The following MKRN1 variants were observed in gnomAD, a reference collection of about 807,000 sequenced individuals.
The protein encoded by MKRN1 is makorin ring finger protein 1.
In MKRN1, 9 loss-of-function variants were observed where a neutral mutation model predicts 55.5. That is an observed-to-expected ratio of 0.16 (90% CI 0.10 to 0.28). The LOEUF is 0.28. MKRN1 is among the 10% of genes least tolerant of loss of function. The pLI is 1.00. For missense variants in MKRN1, 488 were observed against 626.7 expected (o/e 0.78, Z 2.36); for synonymous variants, 253 against 235.9 (o/e 1.07, Z -0.66).
At chr7:140,466,911 G>A (rs1417735644) in intron 2 of MKRN1, among the ~76,000 whole-genome samples, 1 of 151,586 alleles carries the variant, frequency 6.6e-6, no homozygotes, top group East Asian at 1.9e-4. Context: ...GGGCAAGAGG[G>A]CAAGACCAGA....
At position 140,479,194 on chromosome 7, in the gene MKRN1, T is replaced by TGCCGTCGCTGCC. The variant is rs1273565702; in HGVS notation, c.139_150dup (p.Gly47_Gly50dup). The TGCCGTCGCTGCC allele has an allele frequency of 6.8e-7, 1 of 1,463,874 alleles. No homozygotes were observed. The highest frequency in any genetic ancestry group is 9.0e-7 in the Non-Finnish European group (1 of 1,109,044). The allele number at this position is 1,463,874 out of a possible 1,614,324, so 90.7% of individuals were successfully genotyped here. On this transcript the variant is annotated inframe_insertion, in exon 1 of 8. Transcript: ENST00000255977. Reference sequence around the variant, plus strand: ...ACCTGTTTAGTCCAGCCGCCGCCGCTGCCGTCGCTGCCGCCGCCCCCTCCG... The same window carrying TGCCGTCGCTGCC: ...ACCTGTTTAGTCCAGCCGCCGCCGCTGCCGTCGCTGCCGCCGTCGCTGCCGCCGCCCCCTCCG...
rs1197534589 is a variant in MKRN1, at chr7:140,458,988, C to T, written c.771+19G>A. 1.9e-6 allele frequency: 3 copies of T among 1,610,656 alleles called. No individual in the cohort carries two copies. The highest frequency in any genetic ancestry group is 2.5e-6 in the Non-Finnish European group (3 of 1,176,934). ...TGATTCTCACATCTAATAACACACA[C>T]ATCTCCCTAAAGACTTACTTTGATA... On this transcript the variant is annotated intron_variant, in intron 4 of 7. Coordinates refer to ENST00000255977, the MANE Select transcript of MKRN1 (RefSeq NM_013446.4).
intron 2 of MKRN1, among the ~76,000 whole-genome samples, chr7:140,469,841 G>A (rs952106332): frequency 6.6e-6 from 1 of 151,998 alleles, no homozygotes; most frequent in Non-Finnish European, 1.5e-5. Flanking sequence ...GGCTGGTCAG[G>A]AGATCAAGAC....
At chr7:140,473,209 C>CAAA in intron 1 of MKRN1, 1 of 387,148 alleles carries the variant, frequency 2.6e-6, no homozygotes, top group Admixed American at 3.1e-5. Context: ...AATGATACCA[C>CAAA]CAAAAAAAAA....
chr7:140,456,827 A>G lies in MKRN1; in HGVS notation c.811T>C (p.Phe271Leu). 1 of 1,613,964 alleles carries G rather than the reference A, an allele frequency of 6.2e-7. No homozygotes were observed. The highest frequency in any genetic ancestry group is 8.5e-7 in the Non-Finnish European group (1 of 1,179,896). ...EAHEKDMELSFAVQRSKDMVC... is the reference protein window; with the variant it reads ...EAHEKDMELSLAVQRSKDMVC... ...ATGTCCTTGCTGCGCTGCACGGCAAATGAGAGCTCCATGTCCTTCTCATGG... is the reference window on the plus strand; with the variant it reads ...ATGTCCTTGCTGCGCTGCACGGCAAGTGAGAGCTCCATGTCCTTCTCATGG... Residue 271 changes from phenylalanine to leucine, a missense_variant, in exon 5 of 8, where the codon TTT becomes CTT. This residue lies in a region of MKRN1 where 278 missense variants were observed against 406.7 expected (regional missense o/e 0.68). Transcript: ENST00000255977.
At chr7:140,466,036 AC>A (rs1794756224) in intron 2 of MKRN1, among the ~76,000 whole-genome samples, 1 of 152,024 alleles carries the variant, frequency 6.6e-6, no homozygotes, top group African/African-American at 2.4e-5. Flanking sequence ...AGCCGAGATC[AC>A]GCCACTGCAC....
chr7:140,455,976 T>C, intron 5 of MKRN1, 76 bp from the exon 6 acceptor site: 2 of 1,330,912 alleles, frequency 1.5e-6, no homozygotes, highest in Admixed American at 1.7e-5. Context: ...CCCTGGTGTG[T>C]CGCCTCCAGA....
intron 3 of MKRN1, 47 bp downstream of exon 3, chr7:140,459,660 C>A: frequency 6.4e-7 from 1 of 1,557,056 alleles, no homozygotes; most frequent in Non-Finnish European, 8.9e-7. Flanking sequence ...AATGGATGAA[C>A]TGCTATCCAG....
intron 3 of MKRN1, among the ~76,000 whole-genome samples, 187 bp downstream of exon 3, chr7:140,459,520 C>T (rs1794557942): frequency 6.6e-6 from 1 of 152,106 alleles, no homozygotes; most frequent in African/African-American, 2.4e-5. Flanking sequence ...ATTCTGAATT[C>T]ATTTCACTGG....
intron 6 of MKRN1, chr7:140,455,469 G>A (rs922754002): frequency 3.5e-6 from 2 of 574,926 alleles, no homozygotes; most frequent in South Asian, 2.4e-5. Context: ...ATGCCATAGA[G>A]AGAAAATCTT....
At chr7:140,472,128 A>C in intron 1 of MKRN1, 117 bp from the exon 2 acceptor site, 8 of 1,384,512 alleles carry the variant, frequency 5.8e-6, no homozygotes, top group Non-Finnish European at 7.9e-6. Context: ...CGAAATAAAC[A>C]CAAAGAAAGG....
chr7:140,468,701 C>CAAAAAAAAAAAAAAA (rs528725182), intron 2 of MKRN1, among the ~76,000 whole-genome samples: 1 of 32,126 alleles, frequency 3.1e-5, no homozygotes, highest in Non-Finnish European at 6.4e-5. Context: ...CTCTGTCTCA[C>CAAAAAAAAAAAAAAA]AAAAAAAAAA....
chr7:140,479,392 T>C lies in MKRN1; in HGVS notation c.-48A>G. ...AGGCCCCGGAACTTCCGGGATCACA[T>C]AGTTCCGGTCCGGCTGCGGGGAGAG... On this transcript the variant is annotated 5_prime_UTR_variant, in exon 1 of 8. An upstream start codon of the reference 5' UTR is lost. Coordinates refer to ENST00000255977, the MANE Select transcript of MKRN1 (RefSeq NM_013446.4). 2 of 1,271,666 alleles carry C rather than the reference T, an allele frequency of 1.6e-6. No homozygotes were observed. Among genetic ancestry groups the C allele is most frequent in the Non-Finnish European group, 2.0e-6 (2 of 1,002,676 alleles). 78.8% of individuals were successfully genotyped at this position (1,271,666 alleles called of 1,614,324 possible).
intron 1 of MKRN1, among the ~76,000 whole-genome samples, chr7:140,477,384 T>C (rs1302638146): frequency 2.0e-5 from 3 of 152,108 alleles, no homozygotes; most frequent in African/African-American, 7.2e-5. Context: ...TGAAGTGGTG[T>C]GATATTGGCT....
intron 1 of MKRN1, among the ~76,000 whole-genome samples, chr7:140,477,777 T>G (rs1474430228): frequency 6.6e-6 from 1 of 152,184 alleles, no homozygotes; most frequent in Non-Finnish European, 1.5e-5. Flanking sequence ...GACAGGCCGG[T>G]TTCAATCTTT....
Position 140,479,492 on chromosome 7 carries a change from A to G in MKRN1, c.-148T>C, listed in dbSNP as rs1795229697. 2 of 834,332 alleles carry G rather than the reference A, an allele frequency of 2.4e-6. No homozygotes were observed. The highest frequency in any genetic ancestry group is 4.3e-5 in the Admixed American group (1 of 23,156). 51.7% of individuals were successfully genotyped at this position (834,332 alleles called of 1,614,324 possible). A position where few individuals can be genotyped will look rare whatever the true frequency, so the allele number is the denominator to read the frequency against. On this transcript the variant is annotated 5_prime_UTR_variant, in exon 1 of 8. Transcript: ENST00000255977. ...GGTCCCCGCCTGCTACGCGTCGCGT[A>G]TCTGAGCGCTCTCGCCACTTCAACT...
At position 140,479,270 on chromosome 7, in the gene MKRN1, T is replaced by TGCTGCCGCCGTCGCC; in HGVS notation, c.60_74dup (p.Thr22_Ala26dup). On this transcript the variant is annotated inframe_insertion, in exon 1 of 8. Transcript: ENST00000255977. Reference sequence around the variant, plus strand: ...CTGTGGGGATCGGGGTGGGGGAGGCTGCTGCCGCCGTCGCCGCTGCCGCTC... The same window carrying TGCTGCCGCCGTCGCC: ...CTGTGGGGATCGGGGTGGGGGAGGCTGCTGCCGCCGTCGCCGCTGCCGCCGTCGCCGCTGCCGCTC... 1 of 1,393,356 alleles carries TGCTGCCGCCGTCGCC rather than the reference T, an allele frequency of 7.2e-7. No homozygotes were observed. The highest frequency in any genetic ancestry group is 1.6e-5 in the South Asian group (1 of 61,796). The allele number at this position is 1,393,356 out of a possible 1,614,324, so 86.3% of individuals were successfully genotyped here.
chr7:140,469,344 T>C (rs548316448), intron 2 of MKRN1, among the ~76,000 whole-genome samples: 2 of 151,768 alleles, frequency 1.3e-5, no homozygotes, highest in Admixed American at 6.6e-5. Flanking sequence ...AAAAATTTAC[T>C]ATGACACTGT....
intron 1 of MKRN1, among the ~76,000 whole-genome samples, chr7:140,476,537 C>G (rs1362219985): frequency 7.8e-6 from 1 of 128,588 alleles, no homozygotes; most frequent in Non-Finnish European, 1.6e-5. Context: ...TGGTAATTTA[C>G]AAGTTTTGTT....
Sources: allele counts gnomAD v4.1 joint callset (sites outside exome capture counted in the v4.1 genomes callset), GRCh38; gene constraint gnomAD v4.1.1; regional missense constraint gnomAD v4.1.1; transcripts MANE v1.5; gene names NCBI Gene and HGNC (gene_info 2026-07-23, HGNC 2026-07-21).